Variants in CPA4 observed in about 807,000 individuals in gnomAD.
CPA4 encodes carboxypeptidase A4.
In CPA4, 49 loss-of-function variants were observed where a neutral mutation model predicts 54.7. The ratio of observed to expected loss-of-function variants is 0.90; its 90% CI spans 0.71 to 1.14. The LOEUF (loss-of-function observed/expected upper bound fraction) is 1.14, where lower values mean the gene tolerates loss of function less well. CPA4 is among the 50% of genes most tolerant of loss of function. The probability of loss-of-function intolerance (pLI) is 0.00; values close to 1 mark genes in which losing one functional copy is unlikely to be tolerated. For synonymous variants in CPA4, 215 were observed against 206.8 expected, an observed-to-expected ratio of 1.04 and a Z score of -0.34; for missense variants, 487 against 525.1, an observed-to-expected ratio of 0.93 and a Z score of 0.71.
chr7:130,313,312 C>A (rs1465905211), intron 10 of CPA4, among the ~76,000 whole-genome samples: 4 of 152,212 alleles, frequency 2.6e-5, no homozygotes, highest in East Asian at 3.8e-4. Context: ...ATGGGATGAC[C>A]TGTGTTACGA....
chr7:130,305,747 C>T (rs1416933634), intron 5 of CPA4, 69 bp from the exon 6 acceptor site: 5 of 1,082,598 alleles, frequency 4.6e-6, no homozygotes, highest in Non-Finnish European at 7.2e-6. Context: ...TGGGAGAGAG[C>T]TGGAGAGAGG....
At chr7:130,312,426 C>T (rs567215061) in intron 10 of CPA4, among the ~76,000 whole-genome samples, 1 of 152,246 alleles carries the variant, frequency 6.6e-6, no homozygotes, top group East Asian at 1.9e-4. Flanking sequence ...AGGAGATGGA[C>T]AAACATTGAG....
intron 1 of CPA4, among the ~76,000 whole-genome samples, chr7:130,298,068 C>T (rs893563290): frequency 5.9e-5 from 9 of 152,186 alleles, no homozygotes; most frequent in African/African-American, 2.2e-4. Context: ...TACATCCAGC[C>T]TCAGCACCAT....
chr7:130,296,996 A>G lies in CPA4; in HGVS notation c.69-1750A>G, dbSNP rs549945748. On this transcript the variant is annotated intron_variant, in intron 1 of 10. Transcript: ENST00000222482. ...AGATGGGAGTCTTGCTCTATTGCCC[A>G]GGTTAGAGTGCAGAGGTGTGATCAT... is the stretch of plus-strand genomic sequence containing the variant. Among the ~76,000 whole-genome samples, 27 of 151,508 alleles carry G rather than the reference A, an allele frequency of 1.8e-4. No homozygotes were observed. The South Asian group carries it at 5.4e-3, about 31-fold the overall frequency.
intron 3 of CPA4, among the ~76,000 whole-genome samples, chr7:130,300,188 C>T (rs1793716846): frequency 6.6e-6 from 1 of 152,108 alleles, no homozygotes; most frequent in Admixed American, 6.5e-5. Flanking sequence ...GTTTCCCAAG[C>T]TGTGTATTTC....
chr7:130,297,275 C>T (rs951144962), intron 1 of CPA4, among the ~76,000 whole-genome samples: 6 of 152,110 alleles, frequency 3.9e-5, no homozygotes, highest in Admixed American at 1.3e-4. Flanking sequence ...TTACATCGGT[C>T]CCTTTTTTTC....
chr7:130,320,308 C>T (rs887133087), intron 10 of CPA4, among the ~76,000 whole-genome samples: 3 of 152,118 alleles, frequency 2.0e-5, no homozygotes, highest in Non-Finnish European at 4.4e-5. Context: ...CAGCAGGGAC[C>T]CAAATAAAGT....
rs2306848 is a variant in CPA4, at chr7:130,322,574, C to T, written c.1164C>T (p.Thr388=). Residue 388 remains threonine, a synonymous_variant, in exon 11 of 11, where the codon ACC becomes ACT. Transcript: ENST00000222482. ...CATTTGAGTTGAGAGATACCGGGAC[C>T]TATGGCTTCCTCCTGCCAGCTAACC... is the stretch of plus-strand genomic sequence containing the variant. ...AFTFELRDTG[T]YGFLLPANQI... 0.07 allele frequency: 112,620 copies of T among 1,614,002 alleles called. 4,175 individuals are homozygous for T. Among genetic ancestry groups the T allele is most frequent in the Non-Finnish European group, 0.077 (91,325 of 1,179,884 alleles).
intron 10 of CPA4, 148 bp downstream of exon 10, chr7:130,312,270 G>T (rs1197489815): frequency 3.2e-6 from 2 of 631,652 alleles, no homozygotes; most frequent in East Asian, 5.5e-5. Context: ...TGCCTGTGTG[G>T]TGACAGCTGT....
At chr7:130,312,573 G>A (rs148662637) in intron 10 of CPA4, among the ~76,000 whole-genome samples, 77 of 152,282 alleles carry the variant, frequency 5.1e-4, no homozygotes, top group Middle Eastern at 6.8e-3. Flanking sequence ...TTCCTGTGCT[G>A]TTCTCATGAT....
chr7:130,319,257 T>C (rs1794045670), intron 10 of CPA4, among the ~76,000 whole-genome samples: 1 of 152,242 alleles, frequency 6.6e-6, no homozygotes, highest in Admixed American at 6.5e-5. Context: ...TTCATCTGAC[T>C]TGTGGATAAC....
In CPA4 at chr7:130,312,041, A is replaced by G; in HGVS notation, c.997A>G (p.Lys333Glu). ...KKAPDAEELD[K>E]VARLAAKALA... The stretch of plus-strand genomic sequence containing the variant: ...TCCACGGATTCCCCCTTCCCAGGAC[A>G]AGGTGGCGAGGCTTGCGGCCAAAGC... The change falls in exon 10 of 11, where the codon AAG (lysine) becomes GAG (glutamate). Residue 333 changes from lysine to glutamate, a missense_variant. Lys to Glu is a moderately conservative substitution (Grantham distance 56, BLOSUM62 1). Transcript: ENST00000222482. The G allele has an allele frequency of 6.2e-7, 1 of 1,613,872 alleles. No homozygotes were observed. Among genetic ancestry groups the G allele is most frequent in the East Asian group, 2.2e-5 (1 of 44,882 alleles).
chr7:130,322,642 C>A lies in CPA4; in HGVS notation c.1232C>A (p.Thr411Asn). ...TAEETWLGLK[T>N]IMEHVRDNLY The stretch of plus-strand genomic sequence containing the variant: ...GAGGAGACGTGGCTGGGGCTGAAGA[C>A]CATCATGGAGCATGTGCGGGACAAC... The change falls in exon 11 of 11, where the codon ACC becomes AAC. Residue 411 changes from threonine to asparagine, a missense_variant. Thr to Asn is a moderately conservative substitution (Grantham distance 65). Transcript: ENST00000222482. 6.2e-7 allele frequency: 1 copy of A among 1,614,116 alleles called. No individual in the cohort carries two copies. Among genetic ancestry groups the A allele is most frequent in the Admixed American group, 1.7e-5 (1 of 60,024 alleles).
chr7:130,311,673 C>G (rs1345377225), intron 9 of CPA4, among the ~76,000 whole-genome samples: 1 of 152,178 alleles, frequency 6.6e-6, no homozygotes, highest in African/African-American at 2.4e-5. Context: ...CATGACGTCT[C>G]CCTTCTCAGG....
At chr7:130,317,863 C>T (rs1374217597) in intron 10 of CPA4, among the ~76,000 whole-genome samples, 3 of 152,088 alleles carry the variant, frequency 2.0e-5, no homozygotes, top group Admixed American at 6.6e-5. Flanking sequence ...CTTCAATTCT[C>T]CGCCCACTCT....
intron 2 of CPA4, 94 bp downstream of exon 2, chr7:130,298,921 G>C: frequency 1.3e-6 from 1 of 779,174 alleles, no homozygotes; most frequent in Non-Finnish European, 2.2e-6. Context: ...TTTCTGAGGA[G>C]TCTCTGAATA....
chr7:130,308,850 C>CTTT (rs1249548992), intron 8 of CPA4, among the ~76,000 whole-genome samples: 1 of 120,274 alleles, frequency 8.3e-6, no homozygotes, highest in African/African-American at 3.6e-5. Context: ...CTAGCCCAGC[C>CTTT]TTTTTTTTTT....
chr7:130,305,956 G>A, intron 6 of CPA4, 36 bp downstream of exon 6: 1 of 1,537,088 alleles, frequency 6.5e-7, no homozygotes, highest in Non-Finnish European at 9.0e-7. Flanking sequence ...AATGCTGATG[G>A]TGCCGGGGTG....
intron 1 of CPA4, among the ~76,000 whole-genome samples, chr7:130,295,643 A>G (rs961560296): frequency 6.6e-6 from 1 of 152,222 alleles, no homozygotes; most frequent in African/African-American, 2.4e-5. Flanking sequence ...GCACCCCGCA[A>G]TGTCCTCCCT....
Sources: gnomAD v4.1 joint callset for allele counts (sites outside exome capture counted in the v4.1 genomes callset) on GRCh38, gnomAD v4.1.1 for gene constraint, MANE v1.5 for transcripts, NCBI Gene and HGNC (gene_info 2026-07-23, HGNC 2026-07-21) for gene names.